SRD5A2: variants seen among roughly 807,000 people sequenced by gnomAD.
SRD5A2 encodes 3-oxo-5-alpha-steroid 4-dehydrogenase 2.
SRD5A2 carries 30 observed loss-of-function variants against 27.4 expected under a neutral mutation model. The ratio of observed to expected loss-of-function variants is 1.10; its 90% CI spans 0.82 to 1.49. The LOEUF (loss-of-function observed/expected upper bound fraction) is 1.49, where lower values mean the gene tolerates loss of function less well. Ranked by LOEUF, SRD5A2 falls within the 40% of genes most tolerant of loss-of-function variation. The probability of loss-of-function intolerance (pLI) is 0.00; values close to 1 mark genes in which losing one functional copy is unlikely to be tolerated. For missense variants in SRD5A2, 348 were observed against 323.4 expected (o/e 1.08, Z -0.58); for synonymous variants, 141 against 133.6 (o/e 1.06, Z -0.38).
At chr2:31,542,587 C>T (rs1049544304) in intron 1 of SRD5A2, among the ~76,000 whole-genome samples, 2 of 151,852 alleles carry the variant, frequency 1.3e-5, no homozygotes, top group African/African-American at 2.4e-5. Context: ...AATGACAATA[C>T]AAATAAAGAT....
chr2:31,528,620 T>A (rs1161686332), intron 4 of SRD5A2, among the ~76,000 whole-genome samples: 1 of 151,994 alleles, frequency 6.6e-6, no homozygotes, highest in Non-Finnish European at 1.5e-5. Flanking sequence ...TGCAAAAAGT[T>A]AGCTGGGCAT....
chr2:31,623,572 TG>T, the SRD5A2 span, among the ~76,000 whole-genome samples: 3 of 152,204 alleles, frequency 2.0e-5, no homozygotes, highest in African/African-American at 7.2e-5. Context: ...CTCATCCTTG[TG>T]GGTTTATCTA....
the SRD5A2 span, among the ~76,000 whole-genome samples, chr2:31,624,232 A>G: frequency 6.6e-6 from 1 of 152,064 alleles, no homozygotes; most frequent in Non-Finnish European, 1.5e-5. Flanking sequence ...GTTACAAACA[A>G]TCCAATTATA....
chr2:31,555,245 G>T (rs180975445), intron 1 of SRD5A2, among the ~76,000 whole-genome samples: 3 of 151,982 alleles, frequency 2.0e-5, no homozygotes, highest in African/African-American at 7.2e-5. Flanking sequence ...ATCTACAGTG[G>T]TCATCTGTTG....
At chr2:31,626,792 A>C in the SRD5A2 span, among the ~76,000 whole-genome samples, 7 of 152,142 alleles carry the variant, frequency 4.6e-5, no homozygotes, top group South Asian at 1.4e-3. Flanking sequence ...GTCAATGTTC[A>C]TCAGGGATAT....
chr2:31,578,606 A>G (rs1318365187), intron 1 of SRD5A2, among the ~76,000 whole-genome samples: 1 of 152,238 alleles, frequency 6.6e-6, no homozygotes, highest in African/African-American at 2.4e-5. Context: ...AATTCAAAAA[A>G]GAGGAAAGAC....
At chr2:31,650,522 C>G in the SRD5A2 span, among the ~76,000 whole-genome samples, 1 of 152,154 alleles carries the variant, frequency 6.6e-6, no homozygotes, top group Non-Finnish European at 1.5e-5. Context: ...CTATGGAACA[C>G]ATAGTCATGG....
chr2:31,538,065 G>T (rs181996915), intron 1 of SRD5A2, among the ~76,000 whole-genome samples: 42 of 152,274 alleles, frequency 2.8e-4, no homozygotes, highest in African/African-American at 9.6e-4. Context: ...TTATCTATAG[G>T]ACAGCAAGTC....
chr2:31,622,594 C>G, the SRD5A2 span, among the ~76,000 whole-genome samples: 1 of 152,008 alleles, frequency 6.6e-6, no homozygotes, highest in East Asian at 1.9e-4. Context: ...TCCTATTGAC[C>G]AATACTGGCT....
upstream of SRD5A2, among the ~76,000 whole-genome samples, chr2:31,582,480 C>G (rs1214067864): frequency 6.6e-6 from 1 of 151,682 alleles, no homozygotes; most frequent in Admixed American, 6.6e-5. Flanking sequence ...ACTTTGGAAT[C>G]ACTCATACTG....
At chr2:31,585,922 A>C (rs910454091), upstream of SRD5A2, among the ~76,000 whole-genome samples, 1 of 152,138 alleles carries the variant, frequency 6.6e-6, no homozygotes, top group Non-Finnish European at 1.5e-5. Context: ...ATCCAGCAGT[A>C]CTTCTTGTGG....
chr2:31,656,107 C>T, the SRD5A2 span, among the ~76,000 whole-genome samples: 1 of 152,076 alleles, frequency 6.6e-6, no homozygotes, highest in African/African-American at 2.4e-5. Flanking sequence ...GAGAGGGAAT[C>T]AAGAAGGGTG....
At chr2:31,631,491 C>T in the SRD5A2 span, among the ~76,000 whole-genome samples, 1 of 152,012 alleles carries the variant, frequency 6.6e-6, no homozygotes, top group Non-Finnish European at 1.5e-5. Flanking sequence ...ACGTTCCCCC[C>T]CAAGGCAAAA....
chr2:31,538,652 C>T (rs141440185), intron 1 of SRD5A2, among the ~76,000 whole-genome samples: 30 of 152,336 alleles, frequency 2.0e-4, no homozygotes, highest in African/African-American at 7.2e-4. Flanking sequence ...TACATCTCTG[C>T]TCTCTTCTAC....
chr2:31,558,723 A>T (rs1476983648), intron 1 of SRD5A2, among the ~76,000 whole-genome samples: 2 of 152,168 alleles, frequency 1.3e-5, no homozygotes, highest in African/African-American at 4.8e-5. Context: ...GTCTCATTAG[A>T]TTATTGTACC....
At chr2:31,623,054 G>T in the SRD5A2 span, among the ~76,000 whole-genome samples, 2 of 152,058 alleles carry the variant, frequency 1.3e-5, no homozygotes, top group East Asian at 1.9e-4. Context: ...GCTCTCAATT[G>T]GTCGTTGTCA....
At chr2:31,615,012 C>T in the SRD5A2 span, among the ~76,000 whole-genome samples, 1 of 152,110 alleles carries the variant, frequency 6.6e-6, no homozygotes. Context: ...TTCTCTCTTG[C>T]CTGCCACCAT....
chr2:31,649,876 A>G, the SRD5A2 span, among the ~76,000 whole-genome samples: 1 of 152,176 alleles, frequency 6.6e-6, no homozygotes, highest in Non-Finnish European at 1.5e-5. Flanking sequence ...CTGTATTATT[A>G]TAACATCCAA....
At chr2:31,593,597 T>G in the SRD5A2 span, among the ~76,000 whole-genome samples, 152,354 of 152,356 alleles carry the variant, frequency 1, 76,176 homozygotes, top group Middle Eastern at 1. Context: ...AGGAAGAAAA[T>G]AAATCTAAAA....
Sources: gnomAD v4.1 joint callset for allele counts (sites outside exome capture counted in the v4.1 genomes callset) on GRCh38, gnomAD v4.1.1 for gene constraint, MANE v1.5 for transcripts, NCBI Gene and HGNC (gene_info 2026-07-23, HGNC 2026-07-21) for gene names.